HOTAIR: variants seen among roughly 807,000 people sequenced by gnomAD.
The protein encoded by HOTAIR is HOX transcript antisense RNA (non-protein coding).
At chr12:53,974,902 A>G in exon 1 of HOTAIR, 1 of 383,178 alleles carries the variant, frequency 2.6e-6, no homozygotes, top group Non-Finnish European at 4.6e-6. Context: ...GTGTACCTGG[A>G]GGGCTTTCCT....
rs771665384 is a variant in HOTAIR at position 53,973,292 on chromosome 12, G to A, written n.59+1606C>T. On this transcript the variant is annotated intron_variant and non_coding_transcript_variant, in intron 1 of 6. Transcript: ENST00000424518. The surrounding 1 kb of genome is among the most constrained non-coding windows in gnomAD (Gnocchi z 4.3). Reference sequence around the variant, plus strand: ...ACTTCTGCTCTCCGTCGCGCAAGGAGAGGGGCGCAGATTTCGGCGAGCGAG... The same window carrying A: ...ACTTCTGCTCTCCGTCGCGCAAGGAAAGGGGCGCAGATTTCGGCGAGCGAG... 1 of 1,613,870 alleles carries A rather than the reference G, an allele frequency of 6.2e-7. No individual in the cohort carries two copies. The highest frequency in any genetic ancestry group is 8.5e-7 in the Non-Finnish European group (1 of 1,180,008).
rs978655100 is a variant in HOTAIR at position 53,973,918 on chromosome 12, C to G, written n.59+980G>C. The G allele has an allele frequency of 1.1e-5, 16 of 1,440,808 alleles. No homozygotes were observed. In the Admixed American group the frequency reaches 4.7e-4, roughly 42 times the overall value. 89.3% of individuals were successfully genotyped at this position (1,440,808 alleles called of 1,614,324 possible). A position where few individuals can be genotyped will look rare whatever the true frequency, so the allele number is the denominator to read the frequency against. ...GCCAAGGAGCCGGCCAAAGGAGCCG[C>G]CCCCAGTAGGTAGCAGCGGCCGGGG... On this transcript the variant is annotated intron_variant and non_coding_transcript_variant, in intron 1 of 6. Transcript: ENST00000424518. This position sits in a 1 kb window ranked among gnomAD's most constrained non-coding sequence, Gnocchi z 4.3.
intron 3 of HOTAIR, among the ~76,000 whole-genome samples, chr12:53,966,879 G>C (rs1043395709): frequency 1.3e-5 from 2 of 152,240 alleles, no homozygotes; most frequent in Non-Finnish European, 2.9e-5. Context: ...CTTTGGCGGT[G>C]GGCAGTGGGC....
chr12:53,973,068 C>T lies in HOTAIR; in HGVS notation n.59+1830G>A. On this transcript the variant is annotated intron_variant and non_coding_transcript_variant, in intron 1 of 6. Transcript: ENST00000424518. The surrounding 1 kb of genome is among the most constrained non-coding windows in gnomAD (Gnocchi z 4.3). ...CCCCGATCTTACCTAAGAGAGAACC[C>T]CTCCTACGTCTGCGAAGTGCTCCGA... The T allele has an allele frequency of 1.8e-6, 1 of 552,994 alleles. No homozygotes were observed. The highest frequency in any genetic ancestry group is 3.2e-6 in the Non-Finnish European group (1 of 317,248). The allele number at this position is 552,994 out of a possible 1,614,324, so 34.3% of individuals were successfully genotyped here.
chr12:53,973,395 C>A lies in HOTAIR; in HGVS notation n.59+1503G>T. 6.2e-7 allele frequency: 1 copy of A among 1,614,218 alleles called. No individual in the cohort carries two copies. The highest frequency in any genetic ancestry group is 8.5e-7 in the Non-Finnish European group (1 of 1,180,040). Reference sequence around the variant, plus strand: ...GTTCTCCACGGTCTCCTCCTTCCTGCCCCAGGCCCCCTCTCGTCAGATCTC... The same window carrying A: ...GTTCTCCACGGTCTCCTCCTTCCTGACCCAGGCCCCCTCTCGTCAGATCTC... On this transcript the variant is annotated intron_variant and non_coding_transcript_variant, in intron 1 of 6. Transcript: ENST00000424518. The surrounding 1 kb of genome is among the most constrained non-coding windows in gnomAD (Gnocchi z 4.3).
exon 7 of HOTAIR, chr12:53,962,714 G>A (rs1379104546): frequency 6.6e-6 from 1 of 151,724 alleles, no homozygotes; most frequent in Non-Finnish European, 1.5e-5. Context: ...TTTTTTTTCT[G>A]TTCTTCTGTA....
chr12:53,970,010 CT>C (rs1592194542), intron 1 of HOTAIR, among the ~76,000 whole-genome samples: 2 of 152,246 alleles, frequency 1.3e-5, no homozygotes, highest in East Asian at 3.8e-4. Flanking sequence ...TAAGCTGCCC[CT>C]GTTGTCCGTG....
chr12:53,973,917 G>A lies in HOTAIR; in HGVS notation n.59+981C>T. The A allele has an allele frequency of 6.9e-7, 1 of 1,440,786 alleles. No homozygotes were observed. Among genetic ancestry groups the A allele is most frequent in the Non-Finnish European group, 9.1e-7 (1 of 1,094,944 alleles). 89.3% of individuals were successfully genotyped at this position (1,440,786 alleles called of 1,614,324 possible). A position where few individuals can be genotyped will look rare whatever the true frequency, so the allele number is the denominator to read the frequency against. ...GGCCAAGGAGCCGGCCAAAGGAGCC[G>A]CCCCCAGTAGGTAGCAGCGGCCGGG... On this transcript the variant is annotated intron_variant and non_coding_transcript_variant, in intron 1 of 6. Transcript: ENST00000424518. This position sits in a 1 kb window ranked among gnomAD's most constrained non-coding sequence, Gnocchi z 4.3.
chr12:53,971,635 C>T (rs1939149722), intron 1 of HOTAIR, among the ~76,000 whole-genome samples: 1 of 152,232 alleles, frequency 6.6e-6, no homozygotes, highest in African/African-American at 2.4e-5. Flanking sequence ...GTGCATTGGG[C>T]TGAGCCCTTG....
chr12:53,965,697 G>C (rs1185064313), intron 5 of HOTAIR, among the ~76,000 whole-genome samples: 1 of 151,706 alleles, frequency 6.6e-6, no homozygotes, highest in Non-Finnish European at 1.5e-5. Flanking sequence ...AGGGTAAAAA[G>C]AATGAGTGAA....
chr12:53,972,918 C>G (rs748837742), intron 1 of HOTAIR, among the ~76,000 whole-genome samples: 2 of 148,934 alleles, frequency 1.3e-5, no homozygotes, highest in Non-Finnish European at 3.0e-5. Context: ...CCCCAACCCT[C>G]TCTCTCCTCC....
At chr12:53,970,896 G>A (rs1042304172) in intron 1 of HOTAIR, among the ~76,000 whole-genome samples, 7 of 152,172 alleles carry the variant, frequency 4.6e-5, no homozygotes, top group African/African-American at 1.7e-4. Context: ...GGGCCAGGAG[G>A]GGGAAGGAAG....
Position 53,973,170 on chromosome 12 carries a change from C to G in HOTAIR, n.59+1728G>C. The stretch of plus-strand genomic sequence containing the variant: ...CTAAGACGGATAACGCGTCATCTCG[C>G]CTTCCCAAATTTTCCCCCCTCGCTA... On this transcript the variant is annotated intron_variant and non_coding_transcript_variant, in intron 1 of 6. Coordinates refer to ENST00000424518, the Ensembl canonical transcript of HOTAIR. The surrounding 1 kb of genome is among the most constrained non-coding windows in gnomAD (Gnocchi z 4.3). The G allele has an allele frequency of 1.6e-6, 2 of 1,216,312 alleles. No individual in the cohort carries two copies. Among genetic ancestry groups the G allele is most frequent in the Non-Finnish European group, 2.3e-6 (2 of 875,874 alleles). The allele number at this position is 1,216,312 out of a possible 1,614,324, so 75.3% of individuals were successfully genotyped here.
intron 1 of HOTAIR, among the ~76,000 whole-genome samples, chr12:53,972,603 G>T (rs1162841944): frequency 1.3e-5 from 2 of 152,220 alleles, no homozygotes; most frequent in Non-Finnish European, 2.9e-5. Flanking sequence ...TTGACACCCA[G>T]CTCTGGCCAG....
At chr12:53,969,745 C>CT (rs1302731165) in intron 1 of HOTAIR, among the ~76,000 whole-genome samples, 1 of 152,240 alleles carries the variant, frequency 6.6e-6, no homozygotes, top group African/African-American at 2.4e-5. Context: ...CTCCGCTTAT[C>CT]TTTTTATTGA....
chr12:53,967,841 AT>A (rs756654905), intron 2 of HOTAIR, among the ~76,000 whole-genome samples: 1 of 152,096 alleles, frequency 6.6e-6, no homozygotes, highest in Non-Finnish European at 1.5e-5. Flanking sequence ...CACTTTGGAG[AT>A]TTAGGGACTT....
chr12:53,970,943 A>T (rs1358523946), intron 1 of HOTAIR, among the ~76,000 whole-genome samples: 1 of 152,158 alleles, frequency 6.6e-6, no homozygotes, highest in African/African-American at 2.4e-5. Context: ...GCGGGATCTG[A>T]GACTCGAGCC....
In HOTAIR at chr12:53,973,630, C is replaced by G. The variant is rs146287117; in HGVS notation, n.59+1268G>C. The G allele has an allele frequency of 9.3e-6, 15 of 1,613,652 alleles. No individual in the cohort carries two copies. The African/African-American group carries it at 1.9e-4, about 20-fold the overall frequency. On this transcript the variant is annotated intron_variant and non_coding_transcript_variant, in intron 1 of 6. Coordinates refer to ENST00000424518, the Ensembl canonical transcript of HOTAIR. This position sits in a 1 kb window ranked among gnomAD's most constrained non-coding sequence, Gnocchi z 4.3. ...GGCGGCCACCACCACCCCAGCGCCCCGCACGCAACCCCCGCCGGCTTCTAC... is the reference window on the plus strand; with the variant it reads ...GGCGGCCACCACCACCCCAGCGCCCGGCACGCAACCCCCGCCGGCTTCTAC...
chr12:53,973,328 C>T lies in HOTAIR; in HGVS notation n.59+1570G>A, dbSNP rs777910326. The T allele has an allele frequency of 7.4e-6, 12 of 1,614,126 alleles. No homozygotes were observed. The East Asian group carries it at 1.3e-4, about 18-fold the overall frequency. The stretch of plus-strand genomic sequence containing the variant: ...ATTTCGGCGAGCGAGGGAGCTGCGC[C>T]TCCAACCTCTATCTGCCCAGTTGCA... On this transcript the variant is annotated intron_variant and non_coding_transcript_variant, in intron 1 of 6. Transcript: ENST00000424518. This position sits in a 1 kb window ranked among gnomAD's most constrained non-coding sequence, Gnocchi z 4.3.
Sources: allele counts gnomAD v4.1 joint callset (sites outside exome capture counted in the v4.1 genomes callset), GRCh38; gene constraint gnomAD v4.1.1; non-coding constraint Gnocchi (gnomAD v3.1); transcripts MANE v1.5; gene names NCBI Gene and HGNC (gene_info 2026-07-23, HGNC 2026-07-21).